The following TRMT2B variants were observed in gnomAD, a reference collection of about 807,000 sequenced individuals.
TRMT2B encodes the protein tRNA (uracil-5-)-methyltransferase homolog B.
In TRMT2B, 34 loss-of-function variants were observed where a neutral mutation model predicts 39.7. That is an observed-to-expected ratio of 0.86 (90% CI 0.65 to 1.14). TRMT2B has a LOEUF of 1.14. Among genes scored for constraint, TRMT2B ranks in the 50% most tolerant of loss-of-function variants. The probability of loss-of-function intolerance (pLI) is 0.00; values close to 1 mark genes in which losing one functional copy is unlikely to be tolerated. For synonymous variants in TRMT2B, 132 were observed against 137.3 expected (o/e 0.96, Z 0.27); for missense variants, 318 against 377.2 (o/e 0.84, Z 1.30).
chrX:101,002,604 A>C, the TRMT2B span, among the ~76,000 whole-genome samples: 1 of 110,750 alleles, frequency 9.0e-6, no homozygotes, highest in African/African-American at 3.3e-5. Context: ...ACATGGTGAA[A>C]TCCCATCTCT....
intron 2 of TRMT2B, among the ~76,000 whole-genome samples, chrX:101,047,148 T>A (rs753446509): frequency 4.7e-5 from 5 of 107,077 alleles, no homozygotes; most frequent in African/African-American, 1.7e-4. Context: ...GTAGCATCAC[T>A]TGTGCCCAGG....
intron 13 of TRMT2B, among the ~76,000 whole-genome samples, chrX:101,017,988 T>G (rs1313744508): frequency 8.9e-6 from 1 of 112,080 alleles, no homozygotes; most frequent in Admixed American, 9.6e-5. Flanking sequence ...CTCAGCACTT[T>G]GGGAGGCCAA....
At chrX:101,020,051 C>CT (rs1237376370) in intron 11 of TRMT2B, among the ~76,000 whole-genome samples, 1 of 109,012 alleles carries the variant, frequency 9.2e-6, no homozygotes, top group Non-Finnish European at 1.9e-5. Flanking sequence ...CAGGAGCTTT[C>CT]TGTAGGTGAA....
intron 2 of TRMT2B, among the ~76,000 whole-genome samples, chrX:101,045,289 T>C (rs1426468657): frequency 9.3e-6 from 1 of 107,461 alleles, no homozygotes; most frequent in African/African-American, 3.4e-5. Flanking sequence ...ACCCCGTCTC[T>C]ACTAAAAATA....
intron 7 of TRMT2B, 54 bp downstream of exon 7, chrX:101,035,559 G>A (rs758599787): frequency 1.9e-6 from 2 of 1,061,720 alleles, no homozygotes; most frequent in Non-Finnish European, 2.6e-6. Flanking sequence ...GGATGTTGCT[G>A]TTGTAGACTA....
At chrX:100,992,929 T>A in the TRMT2B span, among the ~76,000 whole-genome samples, 6 of 111,836 alleles carry the variant, frequency 5.4e-5, no homozygotes, top group Admixed American at 5.7e-4. Flanking sequence ...ATGAACTAAC[T>A]CATAACTGCT....
the TRMT2B span, among the ~76,000 whole-genome samples, chrX:100,980,329 A>G: frequency 3.6e-4 from 39 of 108,355 alleles, no homozygotes; most frequent in Non-Finnish European, 6.7e-4. Flanking sequence ...AGTCCTCTTT[A>G]TATTTCTCTC....
At chrX:101,037,834 T>C (rs926108136) in intron 5 of TRMT2B, 83 bp downstream of exon 5, 2 of 1,019,982 alleles carry the variant, frequency 2.0e-6, no homozygotes, top group Middle Eastern at 2.7e-4. Context: ...GCCTGGTCCC[T>C]AGCAAGTACC....
chrX:101,005,781 C>T (rs1303877215), downstream of TRMT2B, among the ~76,000 whole-genome samples: 3 of 102,673 alleles, frequency 2.9e-5, no homozygotes, highest in Admixed American at 1.1e-4. Context: ...AGCGGGAGGC[C>T]GAGGCACGAG....
rs373218171 is a variant in TRMT2B at position 101,019,098 on chromosome X, T to C, written c.1289-28A>G. ...GAAGGAAGAAACACCTTGCTATTAG[T>C]ATAATTAACTACCATGGTCTCTGTT... On this transcript the variant is annotated intron_variant, in intron 12 of 13. Transcript: ENST00000372936. 92 of 1,096,506 alleles carry C rather than the reference T, an allele frequency of 8.4e-5. No homozygotes were observed. In the African/African-American group the frequency reaches 1.5e-3, roughly 18 times the overall value. 90.4% of individuals were successfully genotyped at this position (1,096,506 alleles called of 1,213,427 possible).
downstream of TRMT2B, among the ~76,000 whole-genome samples, chrX:101,006,473 A>G (rs2086103446): frequency 9.1e-6 from 1 of 110,482 alleles, no homozygotes; most frequent in Non-Finnish European, 1.9e-5. Context: ...GTATACATGT[A>G]TCTGTATACC....
the TRMT2B span, among the ~76,000 whole-genome samples, chrX:100,992,204 AG>A: frequency 2.7e-5 from 3 of 110,591 alleles, no homozygotes; most frequent in Non-Finnish European, 5.7e-5. Flanking sequence ...TTTGGGGGTG[AG>A]GAAAAAAAAA....
chrX:100,982,714 G>A, the TRMT2B span, among the ~76,000 whole-genome samples: 2 of 103,363 alleles, frequency 1.9e-5, no homozygotes, highest in African/African-American at 7.1e-5. Flanking sequence ...GTGGTACAGT[G>A]GTGTGATCAT....
chrX:101,039,334 G>A (rs1196947318), intron 4 of TRMT2B, among the ~76,000 whole-genome samples: 1 of 111,771 alleles, frequency 8.9e-6, no homozygotes, highest in African/African-American at 3.3e-5. Flanking sequence ...GCCTTCCAAA[G>A]TGCTGGGATT....
chrX:101,042,660 C>T (rs142509311), intron 2 of TRMT2B, among the ~76,000 whole-genome samples: 1,593 of 111,850 alleles, frequency 0.014, 38 homozygotes, highest in African/African-American at 0.05. Flanking sequence ...CATCATGCCA[C>T]ACTAGACACC....
intron 11 of TRMT2B, among the ~76,000 whole-genome samples, chrX:101,019,819 A>G (rs1048688711): frequency 9.2e-6 from 1 of 108,764 alleles, no homozygotes; most frequent in African/African-American, 3.3e-5. Context: ...TTTAGTAGAG[A>G]TGGGGTTTTA....
the TRMT2B span, among the ~76,000 whole-genome samples, chrX:100,997,835 G>A: frequency 3.1e-4 from 35 of 112,031 alleles, no homozygotes; most frequent in East Asian, 1.1e-3. Context: ...TCTTCAAACC[G>A]TATATAAATT....
At chrX:100,982,076 G>A in the TRMT2B span, among the ~76,000 whole-genome samples, 1 of 110,830 alleles carries the variant, frequency 9.0e-6, no homozygotes, top group Non-Finnish European at 1.9e-5. Flanking sequence ...CCTAAATGAG[G>A]ACATTTAGAC....
At chrX:101,023,287 A>G (rs2086887696) in intron 8 of TRMT2B, among the ~76,000 whole-genome samples, 183 bp downstream of exon 8, 1 of 112,096 alleles carries the variant, frequency 8.9e-6, no homozygotes, top group African/African-American at 3.2e-5. Flanking sequence ...TGATTATGCG[A>G]GCAGTATGGT....
Sources: allele counts gnomAD v4.1 joint callset (sites outside exome capture counted in the v4.1 genomes callset), GRCh38; gene constraint gnomAD v4.1.1; transcripts MANE v1.5; gene names NCBI Gene and HGNC (gene_info 2026-07-23, HGNC 2026-07-21).